The following GLIS3 variants were observed in gnomAD, a reference collection of about 807,000 sequenced individuals.
GLIS3 encodes the protein GLIS family zinc finger 3, also known as zinc finger protein GLIS3.
GLIS3 carries 53 observed loss-of-function variants against 78.6 expected under a neutral mutation model. The ratio of observed to expected loss-of-function variants is 0.67; its 90% CI spans 0.54 to 0.85. The LOEUF (loss-of-function observed/expected upper bound fraction) is 0.85. Among genes scored for constraint, GLIS3 ranks in the 40% least tolerant of loss-of-function variants. The pLI, the probability that GLIS3 is intolerant of heterozygous loss-of-function variation, is 0.00. For synonymous variants in GLIS3, 684 were observed against 509.9 expected (o/e 1.34, Z -4.60); for missense variants, 1,703 against 1,231.1 (o/e 1.38, Z -5.74).
the GLIS3 span, among the ~76,000 whole-genome samples, chr9:4,449,299 G>A: frequency 0.21 from 31,647 of 152,124 alleles, 3,446 homozygotes; most frequent in Middle Eastern, 0.3. Flanking sequence ...GCTTGAGTAG[G>A]TAAAGAAAGT....
the GLIS3 span, among the ~76,000 whole-genome samples, chr9:4,359,312 C>A: frequency 1.3e-4 from 20 of 152,246 alleles, no homozygotes; most frequent in East Asian, 3.9e-3. Context: ...ATCTTTTCTC[C>A]TTACCTTACT....
intron 4 of GLIS3, among the ~76,000 whole-genome samples, chr9:3,944,887 C>T (rs1299529491): frequency 6.6e-6 from 1 of 152,128 alleles, no homozygotes; most frequent in Non-Finnish European, 1.5e-5. Context: ...CATACTGTGT[C>T]GTATCATGGC....
the GLIS3 span, among the ~76,000 whole-genome samples, chr9:4,369,789 G>A: frequency 1.3e-5 from 2 of 152,178 alleles, no homozygotes; most frequent in Admixed American, 6.5e-5. Context: ...TCTAAAAAGA[G>A]TCTATCTAAT....
chr9:4,297,806 G>A (rs1472702360), intron 1 of GLIS3, among the ~76,000 whole-genome samples: 1 of 152,216 alleles, frequency 6.6e-6, no homozygotes, highest in African/African-American at 2.4e-5. Flanking sequence ...CCAAGAGGAG[G>A]GCTGGAGAAG....
chr9:4,449,155 C>A, the GLIS3 span, among the ~76,000 whole-genome samples: 1 of 152,312 alleles, frequency 6.6e-6, no homozygotes, highest in East Asian at 1.9e-4. Flanking sequence ...AAACGGCACA[C>A]CAGGAGATTA....
At chr9:3,940,471 CCA>C (rs1417442571) in intron 4 of GLIS3, among the ~76,000 whole-genome samples, 1 of 152,134 alleles carries the variant, frequency 6.6e-6, no homozygotes. Context: ...TGTGTCACTG[CCA>C]CTGGACAACT....
chr9:4,094,182 C>T (rs1214079340), intron 4 of GLIS3, among the ~76,000 whole-genome samples: 2 of 152,058 alleles, frequency 1.3e-5, no homozygotes, highest in South Asian at 2.1e-4. Context: ...AAAGCAGGAA[C>T]GAGAGGAACT....
Position 3,898,756 on chromosome 9 carries a change from G to A in GLIS3, c.2063C>T (p.Pro688Leu), listed in dbSNP as rs1344174998. 1 of 1,614,204 alleles carries A rather than the reference G, an allele frequency of 6.2e-7. No individual in the cohort carries two copies. Among genetic ancestry groups the A allele is most frequent in the Non-Finnish European group, 8.5e-7 (1 of 1,180,034 alleles). ...GGTCCCTTCAGCAGCAGCATCTCTA[G>A]GGGAAGTGGCCGGCTGCAGGGACTG... ...TVQSLQPATS[P>L]RDAAAEGTVG... Residue 688 changes from proline to leucine, a missense_variant, in exon 7 of 11, where the codon CCT becomes CTT. Pro to Leu is a moderately conservative substitution (Grantham distance 98). Transcript: ENST00000381971.
At chr9:4,007,305 A>C (rs1821631002) in intron 4 of GLIS3, among the ~76,000 whole-genome samples, 1 of 152,036 alleles carries the variant, frequency 6.6e-6, no homozygotes. Flanking sequence ...TAGAGATCTG[A>C]GCTTTTACCC....
At chr9:4,438,110 T>G in the GLIS3 span, among the ~76,000 whole-genome samples, 1 of 152,136 alleles carries the variant, frequency 6.6e-6, no homozygotes, top group Admixed American at 6.6e-5. Flanking sequence ...CCAAGAAACC[T>G]AACTCCAGAA....
At chr9:3,898,534 C>T in intron 7 of GLIS3, 157 bp downstream of exon 7, 1 of 772,970 alleles carries the variant, frequency 1.3e-6, no homozygotes, top group Non-Finnish European at 2.3e-6. Context: ...ACACCCAGCT[C>T]AGGAATCAGA....
At chr9:4,081,453 C>T (rs1396617203) in intron 4 of GLIS3, 1 of 152,180 alleles carries the variant, frequency 6.6e-6, no homozygotes, top group Non-Finnish European at 1.5e-5. Flanking sequence ...GCCACTTACC[C>T]GCTGTCAGTC....
At chr9:4,078,768 T>A (rs1828292386) in intron 4 of GLIS3, among the ~76,000 whole-genome samples, 1 of 152,200 alleles carries the variant, frequency 6.6e-6, no homozygotes, top group Non-Finnish European at 1.5e-5. Context: ...AAGTTTGGCA[T>A]GAAAGTTTTG....
intron 1 of GLIS3, among the ~76,000 whole-genome samples, chr9:4,291,604 G>C (rs1159467408): frequency 6.6e-6 from 1 of 152,030 alleles, no homozygotes; most frequent in African/African-American, 2.4e-5. Context: ...AGAAAGGAGA[G>C]AAAAGGGAGA....
chr9:4,300,873 T>C (rs1226433499), upstream of GLIS3, among the ~76,000 whole-genome samples: 1 of 152,066 alleles, frequency 6.6e-6, no homozygotes, highest in African/African-American at 2.4e-5. Flanking sequence ...ATCCTCCAGG[T>C]AGGCCTTTCT....
chr9:3,891,943 ATTTTCT>A (rs1822483956), intron 7 of GLIS3, among the ~76,000 whole-genome samples: 1 of 151,954 alleles, frequency 6.6e-6, no homozygotes, highest in African/African-American at 2.4e-5. Context: ...ACTTTATCAC[ATTTTCT>A]TTTTAATCGT....
At chr9:3,882,353 A>G (rs1012039724) in intron 7 of GLIS3, among the ~76,000 whole-genome samples, 4 of 152,202 alleles carry the variant, frequency 2.6e-5, no homozygotes, top group African/African-American at 9.7e-5. Flanking sequence ...TTTGAGGGGC[A>G]CGTGTACCAG....
At chr9:4,009,239 C>T (rs1821804296) in intron 4 of GLIS3, among the ~76,000 whole-genome samples, 1 of 152,214 alleles carries the variant, frequency 6.6e-6, no homozygotes, top group African/African-American at 2.4e-5. Context: ...AGGCTGCCCA[C>T]CTCCCTCGCA....
At chr9:4,387,856 G>A in the GLIS3 span, among the ~76,000 whole-genome samples, 1 of 152,186 alleles carries the variant, frequency 6.6e-6, no homozygotes, top group Admixed American at 6.5e-5. Flanking sequence ...TTGTGTAACT[G>A]TAGCCTTTAC....
Sources: allele counts gnomAD v4.1 joint callset (sites outside exome capture counted in the v4.1 genomes callset), GRCh38; gene constraint gnomAD v4.1.1; transcripts MANE v1.5; gene names NCBI Gene and HGNC (gene_info 2026-07-23, HGNC 2026-07-21).